The following GPC5 variants were observed in gnomAD, a reference collection of about 807,000 sequenced individuals.
GPC5 encodes glypican-5.
A neutral mutation model predicts 53.9 loss-of-function variants in GPC5; 47 were observed. That is an observed-to-expected ratio of 0.87 (90% CI 0.69 to 1.11). The LOEUF (loss-of-function observed/expected upper bound fraction) is 1.11, where lower values mean the gene tolerates loss of function less well. Among genes scored for constraint, GPC5 ranks in the 50% most tolerant of loss-of-function variants. GPC5 has a pLI of 0.00. For synonymous variants in GPC5, 286 were observed against 263.3 expected (o/e 1.09, Z -0.84); for missense variants, 748 against 713.1 (o/e 1.05, Z -0.56).
intron 7 of GPC5, among the ~76,000 whole-genome samples, chr13:92,787,016 G>T (rs1876262007): frequency 6.6e-6 from 1 of 152,174 alleles, no homozygotes; most frequent in African/African-American, 2.4e-5. Context: ...CACTTGGACT[G>T]ACCTTGGTTC....
rs140143376 is a variant in GPC5, at chr13:91,952,014, C to T, written c.1401+43957C>T. Among the ~76,000 whole-genome samples the T allele has an allele frequency of 3.4e-3, 513 of 152,174 alleles. 2 individuals are homozygous for T. Among genetic ancestry groups the T allele is most frequent in the South Asian group, 5.4e-3 (26 of 4,822 alleles). Reference sequence around the variant, plus strand: ...GAAGAGAGCCTCATTAAAATGATGACTAACTGAATTATTTGATTTGAATAA... The same window carrying T: ...GAAGAGAGCCTCATTAAAATGATGATTAACTGAATTATTTGATTTGAATAA... On this transcript the variant is annotated intron_variant, in intron 6 of 7. Coordinates refer to ENST00000377067, the MANE Select transcript of GPC5 (RefSeq NM_004466.6).
At chr13:92,457,689 C>T (rs185887533) in intron 7 of GPC5, among the ~76,000 whole-genome samples, 250 of 152,056 alleles carry the variant, frequency 1.6e-3, no homozygotes, top group African/African-American at 5.8e-3. Context: ...TATTTATTTT[C>T]CTTAAGCTTT....
chr13:92,752,029 T>C (rs1481639967), intron 7 of GPC5, among the ~76,000 whole-genome samples: 1 of 152,012 alleles, frequency 6.6e-6, no homozygotes, highest in African/African-American at 2.4e-5. Flanking sequence ...TTTGCCACTT[T>C]GCTTTACAGA....
intron 7 of GPC5, among the ~76,000 whole-genome samples, chr13:92,385,487 C>CATATATAT: frequency 1.8e-5 from 1 of 55,424 alleles, no homozygotes; most frequent in East Asian, 5.1e-4. Flanking sequence ...TACATATATA[C>CATATATAT]ACATATATAC....
chr13:92,462,718 CT>C lies in GPC5; in HGVS notation c.1561+317744del, dbSNP rs35798030. Among the ~76,000 whole-genome samples the C allele has an allele frequency of 1.9e-3, 258 of 136,942 alleles. 5 individuals carry two copies. Among genetic ancestry groups the C allele is most frequent in the Admixed American group, 5.5e-3 (76 of 13,750 alleles). The allele number at this position is 136,942 out of a possible 152,430, so 89.8% of individuals were successfully genotyped here. On this transcript the variant is annotated intron_variant, in intron 7 of 7. Transcript: ENST00000377067. ...AACAAATTTTGTGTTTTGTTCATGT[CT>C]TTTTTTTTTTTTTTCGCCCGGAGTT...
chr13:92,150,488 T>C (rs2041899262), intron 7 of GPC5, among the ~76,000 whole-genome samples: 1 of 152,064 alleles, frequency 6.6e-6, no homozygotes, highest in South Asian at 2.1e-4. Context: ...TTTTGGTTTC[T>C]AAATAATTGA....
chr13:92,132,111 G>A lies in GPC5; in HGVS notation c.1402-12719G>A, dbSNP rs77331863. ...AAAGAACCGTTGCTACATCTGTGATGTCACAAATATGCTTGTATTCATATA... is the reference window on the plus strand; with the variant it reads ...AAAGAACCGTTGCTACATCTGTGATATCACAAATATGCTTGTATTCATATA... On this transcript the variant is annotated intron_variant, in intron 6 of 7. Coordinates refer to ENST00000377067, the MANE Select transcript of GPC5 (RefSeq NM_004466.6). Among the ~76,000 whole-genome samples, 535 of 152,196 alleles carry A rather than the reference G, an allele frequency of 3.5e-3. 9 individuals are homozygous for A. Among genetic ancestry groups the A allele is most frequent in the African/African-American group, 0.012 (517 of 41,524 alleles).
chr13:92,374,425 A>G (rs1457444902), intron 7 of GPC5, among the ~76,000 whole-genome samples: 1 of 151,980 alleles, frequency 6.6e-6, no homozygotes, highest in Non-Finnish European at 1.5e-5. Flanking sequence ...ATGTCACTGA[A>G]CTCTAGTTAA....
intron 6 of GPC5, among the ~76,000 whole-genome samples, chr13:91,971,567 A>G (rs1232656076): frequency 1.3e-5 from 2 of 151,972 alleles, no homozygotes; most frequent in Non-Finnish European, 2.9e-5. Context: ...TAGGGTGTCA[A>G]TTTTGGATCT....
chr13:91,900,365 A>G (rs2039485708), intron 5 of GPC5, among the ~76,000 whole-genome samples: 1 of 152,154 alleles, frequency 6.6e-6, no homozygotes, highest in African/African-American at 2.4e-5. Flanking sequence ...GTGAGACAGC[A>G]AATCAGTACA....
At chr13:92,385,802 C>CATATAT (rs1566568367) in intron 7 of GPC5, among the ~76,000 whole-genome samples, 1 of 79,800 alleles carries the variant, frequency 1.3e-5, no homozygotes, top group African/African-American at 5.2e-5. Context: ...TACATATATA[C>CATATAT]GTATATATAT....
At chr13:92,576,455 T>C (rs536329164) in intron 7 of GPC5, among the ~76,000 whole-genome samples, 2 of 152,188 alleles carry the variant, frequency 1.3e-5, no homozygotes, top group African/African-American at 2.4e-5. Context: ...TCCCTGTACA[T>C]GCATCAAGTT....
intron 6 of GPC5, among the ~76,000 whole-genome samples, chr13:92,098,971 T>TTG (rs398038995): frequency 6.6e-6 from 1 of 151,700 alleles, no homozygotes; most frequent in African/African-American, 2.4e-5. Context: ...TTTTTTTTTT[T>TTG]GTCATCTAAT....
intron 5 of GPC5, among the ~76,000 whole-genome samples, chr13:91,803,533 T>C (rs574620067): frequency 6.6e-6 from 1 of 152,216 alleles, no homozygotes; most frequent in East Asian, 1.9e-4. Context: ...TTCACCATTA[T>C]AAAAAAGTTG....
At chr13:92,718,507 A>G (rs1429550117) in intron 7 of GPC5, among the ~76,000 whole-genome samples, 1 of 152,102 alleles carries the variant, frequency 6.6e-6, no homozygotes, top group Non-Finnish European at 1.5e-5. Flanking sequence ...TAAACAATCG[A>G]ACTCATGGAG....
chr13:92,735,283 C>T (rs1055651171), intron 7 of GPC5, among the ~76,000 whole-genome samples: 16 of 151,906 alleles, frequency 1.1e-4, no homozygotes, highest in Non-Finnish European at 2.2e-4. Context: ...ACATCATCTC[C>T]ATTTCCTTCA....
intron 7 of GPC5, among the ~76,000 whole-genome samples, chr13:92,547,716 T>G (rs1394712913): frequency 6.6e-6 from 1 of 151,642 alleles, no homozygotes; most frequent in Non-Finnish European, 1.5e-5. Flanking sequence ...AAACCAACTG[T>G]GAAAAATCTT....
At chr13:91,772,848 C>T (rs937975000) in intron 5 of GPC5, among the ~76,000 whole-genome samples, 15 of 152,066 alleles carry the variant, frequency 9.9e-5, no homozygotes, top group Non-Finnish European at 1.5e-4. Context: ...TTTTAAGGAG[C>T]TCTCCAGATG....
chr13:91,414,765 C>T (rs891036780), intron 1 of GPC5, among the ~76,000 whole-genome samples: 3 of 152,200 alleles, frequency 2.0e-5, no homozygotes, highest in African/African-American at 7.2e-5. Flanking sequence ...TGACCATACT[C>T]TCTTGGTCAT....
Sources: allele counts gnomAD v4.1 joint callset (sites outside exome capture counted in the v4.1 genomes callset), GRCh38; gene constraint gnomAD v4.1.1; transcripts MANE v1.5; gene names NCBI Gene and HGNC (gene_info 2026-07-23, HGNC 2026-07-21).